PARD3B: variants seen among roughly 807,000 people sequenced by gnomAD.
PARD3B encodes the protein par-3 family cell polarity regulator beta.
Under a neutral mutation model 130.2 loss-of-function variants are expected in PARD3B, and 103 were observed. That is an observed-to-expected ratio of 0.79 (90% CI 0.67 to 0.93). The LOEUF is 0.93. Ranked by LOEUF, PARD3B falls within the 40% of genes least tolerant of loss-of-function variation. PARD3B has a pLI of 0.00. For synonymous variants in PARD3B, 583 were observed against 553.2 expected (o/e 1.05, Z -0.76); for missense variants, 1,609 against 1,499.2 (o/e 1.07, Z -1.21).
At chr2:205,089,686 T>C (rs1020030895) in intron 4 of PARD3B, among the ~76,000 whole-genome samples, 23 of 152,326 alleles carry the variant, frequency 1.5e-4, no homozygotes, top group Non-Finnish European at 2.8e-4. Context: ...TCATTGATTC[T>C]CCATTTCCTG....
intron 18 of PARD3B, among the ~76,000 whole-genome samples, chr2:205,328,511 A>G (rs2043009238): frequency 6.6e-6 from 1 of 152,292 alleles, no homozygotes; most frequent in South Asian, 2.1e-4. Flanking sequence ...AAAACTTCTT[A>G]TATTAAAAAT....
In PARD3B at chr2:205,411,247, G is replaced by A. The variant is rs969423220; in HGVS notation, c.2741+10124G>A. ...AAACCATATTTTAGATAGATAGATA[G>A]ATATAATAGAAATATACTACAGATA... On this transcript the variant is annotated intron_variant, in intron 19 of 22. Coordinates refer to ENST00000406610, the MANE Select transcript of PARD3B (RefSeq NM_001302769.2). Among the ~76,000 whole-genome samples the A allele has an allele frequency of 9.9e-5, 15 of 152,232 alleles. No individual in the cohort carries two copies. The East Asian group carries it at 2.9e-3, about 29-fold the overall frequency.
chr2:205,457,200 G>T (rs557042337), intron 20 of PARD3B, among the ~76,000 whole-genome samples: 3 of 151,938 alleles, frequency 2.0e-5, no homozygotes, highest in African/African-American at 7.2e-5. Flanking sequence ...ATATCATGTT[G>T]TATGAGTTGT....
chr2:205,254,488 C>T (rs1194351103), intron 16 of PARD3B, among the ~76,000 whole-genome samples: 12 of 151,908 alleles, frequency 7.9e-5, no homozygotes, highest in Admixed American at 7.9e-4. Context: ...GCTATTACTT[C>T]ATGTAAGATG....
chr2:205,381,893 T>C (rs2045462514), intron 18 of PARD3B, among the ~76,000 whole-genome samples: 1 of 152,078 alleles, frequency 6.6e-6, no homozygotes. Flanking sequence ...TTTCCTTCTT[T>C]AACCTTTCCT....
intron 19 of PARD3B, among the ~76,000 whole-genome samples, chr2:205,424,551 G>A (rs142719249): frequency 2.0e-5 from 3 of 152,304 alleles, no homozygotes; most frequent in East Asian, 1.9e-4. Flanking sequence ...GGCTTTGAGA[G>A]ATAAAGATCA....
intron 19 of PARD3B, among the ~76,000 whole-genome samples, chr2:205,431,065 A>G (rs1198857601): frequency 1.3e-5 from 2 of 152,212 alleles, no homozygotes; most frequent in Non-Finnish European, 2.9e-5. Context: ...AAAATATGAC[A>G]GAATCTTGAT....
intron 15 of PARD3B, among the ~76,000 whole-genome samples, chr2:205,220,077 T>C (rs1311798639): frequency 6.6e-6 from 1 of 152,158 alleles, no homozygotes; most frequent in South Asian, 2.1e-4. Context: ...TTCCTGTATT[T>C]GGGTTCAAAA....
chr2:204,635,246 G>C (rs7590330), intron 1 of PARD3B, among the ~76,000 whole-genome samples: 105,842 of 151,948 alleles, frequency 0.7, 38,068 homozygotes, highest in Middle Eastern at 0.81. Context: ...TCCCCCGGAC[G>C]AGGATCAGCT....
At position 205,269,993 on chromosome 2, in the gene PARD3B, G is replaced by A. The variant is rs1267725110; in HGVS notation, c.2185+24171G>A. On this transcript the variant is annotated intron_variant, in intron 16 of 22. Transcript: ENST00000406610. This position sits in a 1 kb window ranked among gnomAD's most constrained non-coding sequence, Gnocchi z 4.7. ...TAAATACATTAAAATGACTAAAGGA[G>A]TGTAATTGGCTTGTTTGTAACACAA... Among the ~76,000 whole-genome samples the A allele has an allele frequency of 6.6e-6, 1 of 152,166 alleles. No homozygotes were observed. The highest frequency in any genetic ancestry group is 6.5e-5 in the Admixed American group (1 of 15,278).
intron 4 of PARD3B, among the ~76,000 whole-genome samples, chr2:205,102,146 A>G (rs921242766): frequency 6.6e-6 from 1 of 152,194 alleles, no homozygotes; most frequent in Non-Finnish European, 1.5e-5. Flanking sequence ...AGAACCGCCT[A>G]GCTAAGCTAC....
At chr2:205,032,391 G>C (rs1697489433) in intron 3 of PARD3B, among the ~76,000 whole-genome samples, 1 of 152,134 alleles carries the variant, frequency 6.6e-6, no homozygotes, top group Non-Finnish European at 1.5e-5. Context: ...GCCACATCAT[G>C]AACAGAGTGC....
At chr2:204,753,199 C>CT (rs1400783545) in intron 2 of PARD3B, among the ~76,000 whole-genome samples, 1 of 152,056 alleles carries the variant, frequency 6.6e-6, no homozygotes, top group Non-Finnish European at 1.5e-5. Flanking sequence ...GATTTTAGGT[C>CT]TTTCTGAAAA....
intron 15 of PARD3B, among the ~76,000 whole-genome samples, chr2:205,236,882 A>G (rs997677236): frequency 6.7e-6 from 1 of 150,294 alleles, no homozygotes; most frequent in Non-Finnish European, 1.5e-5. Flanking sequence ...TGAAAGTTTT[A>G]TACACATTTA....
intron 1 of PARD3B, among the ~76,000 whole-genome samples, chr2:204,643,186 G>C (rs1320614404): frequency 7.0e-6 from 1 of 142,646 alleles, no homozygotes; most frequent in Non-Finnish European, 1.5e-5. Context: ...ACCATGTAAA[G>C]ATTGTGCCTG....
Position 205,064,621 on chromosome 2 carries a change from G to A in PARD3B, c.504+16931G>A, listed in dbSNP as rs151315741. On this transcript the variant is annotated intron_variant, in intron 4 of 22. Transcript: ENST00000406610. ...CAGTTTTCACCATGTGGAAGACTGC[G>A]CAGACATTCCCATAAGTGTATACCC... is the stretch of plus-strand genomic sequence containing the variant. Among the ~76,000 whole-genome samples the A allele has an allele frequency of 3.7e-4, 57 of 152,270 alleles. No homozygotes were observed. The East Asian group carries it at 8.3e-3, about 22-fold the overall frequency.
At chr2:204,587,316 C>A (rs986472438) in intron 1 of PARD3B, among the ~76,000 whole-genome samples, 1 of 152,140 alleles carries the variant, frequency 6.6e-6, no homozygotes, top group South Asian at 2.1e-4. Flanking sequence ...CAGATTGCTG[C>A]ATTATTTAAA....
chr2:205,323,955 G>A (rs1424861175), intron 18 of PARD3B, among the ~76,000 whole-genome samples: 3 of 152,140 alleles, frequency 2.0e-5, no homozygotes, highest in Non-Finnish European at 4.4e-5. Context: ...TTTAATGTTT[G>A]TATTTACCCA....
At position 205,292,973 on chromosome 2, in the gene PARD3B, A is replaced by G. The variant is rs1189950979; in HGVS notation, c.2186-7557A>G. On this transcript the variant is annotated intron_variant, in intron 16 of 22. Transcript: ENST00000406610. The surrounding 1 kb of genome is among the most constrained non-coding windows in gnomAD (Gnocchi z 5.3). ...GAAACCTTGCTTAAAGTGTATTTAT[A>G]AAGAAATTGTTATTCATATGAACAT... Among the ~76,000 whole-genome samples the G allele has an allele frequency of 6.6e-6, 1 of 152,214 alleles. No homozygotes were observed. The highest frequency in any genetic ancestry group is 1.5e-5 in the Non-Finnish European group (1 of 68,040).
Sources: allele counts gnomAD v4.1 joint callset (sites outside exome capture counted in the v4.1 genomes callset), GRCh38; gene constraint gnomAD v4.1.1; non-coding constraint Gnocchi (gnomAD v3.1); transcripts MANE v1.5; gene names NCBI Gene and HGNC (gene_info 2026-07-23, HGNC 2026-07-21).